Variants in ROBO1 observed in about 807,000 individuals in gnomAD.
ROBO1 encodes the protein roundabout guidance receptor 1, also known as roundabout homolog 1.
In ROBO1, 149 loss-of-function variants were observed where a neutral mutation model predicts 195.9. The observed-to-expected ratio is 0.76, with a 90% CI of 0.67 to 0.87. The LOEUF (loss-of-function observed/expected upper bound fraction) is 0.87. Among genes scored for constraint, ROBO1 ranks in the 40% least tolerant of loss-of-function variants. The pLI is 0.00. For synonymous variants in ROBO1, 816 were observed against 733.2 expected, an observed-to-expected ratio of 1.11 and a Z score of -1.82; for missense variants, 1,933 against 2,068.3, an observed-to-expected ratio of 0.93 and a Z score of 1.27.
intron 3 of ROBO1, among the ~76,000 whole-genome samples, chr3:79,096,278 G>A (rs1336891518): frequency 1.3e-5 from 2 of 151,790 alleles, no homozygotes; most frequent in African/African-American, 4.8e-5. Flanking sequence ...GATTTATGTA[G>A]GCATATGGTC....
intron 4 of ROBO1, among the ~76,000 whole-genome samples, chr3:78,801,123 T>G (rs1291864953): frequency 6.6e-6 from 1 of 152,158 alleles, no homozygotes; most frequent in African/African-American, 2.4e-5. Flanking sequence ...ACCTCGGGCT[T>G]AGGGCTCATA....
chr3:78,645,037 T>C (rs1465015483), intron 21 of ROBO1, among the ~76,000 whole-genome samples: 1 of 152,132 alleles, frequency 6.6e-6, no homozygotes, highest in African/African-American at 2.4e-5. Flanking sequence ...AAACATGCCC[T>C]GGTTTAATTC....
chr3:79,433,393 T>A (rs998764006), intron 2 of ROBO1, among the ~76,000 whole-genome samples: 2 of 152,144 alleles, frequency 1.3e-5, no homozygotes, highest in Admixed American at 1.3e-4. Context: ...ACACATTTTT[T>A]ATTTTTTATT....
intron 4 of ROBO1, among the ~76,000 whole-genome samples, chr3:78,766,432 T>A (rs1468953346): frequency 6.6e-6 from 1 of 152,204 alleles, no homozygotes; most frequent in Non-Finnish European, 1.5e-5. Flanking sequence ...GCTGTTGGTG[T>A]ATAGAAGACC....
At chr3:79,509,654 C>T (rs981925406) in intron 2 of ROBO1, among the ~76,000 whole-genome samples, 2 of 152,048 alleles carry the variant, frequency 1.3e-5, no homozygotes, top group African/African-American at 4.8e-5. Flanking sequence ...TTCTGTTTAA[C>T]ATTACCCCGC....
At chr3:79,463,649 ACAAAT>A (rs546994665) in intron 2 of ROBO1, among the ~76,000 whole-genome samples, 109 of 152,342 alleles carry the variant, frequency 7.2e-4, no homozygotes, top group African/African-American at 2.5e-3. Flanking sequence ...AAAAGATGGT[ACAAAT>A]CAAACAGTGA....
intron 2 of ROBO1, among the ~76,000 whole-genome samples, chr3:79,137,568 A>C (rs2080435624): frequency 6.6e-6 from 1 of 152,166 alleles, no homozygotes; most frequent in Non-Finnish European, 1.5e-5. Flanking sequence ...AGAACACATC[A>C]TTTTATATGC....
At chr3:79,376,281 C>A (rs1488011284) in intron 2 of ROBO1, among the ~76,000 whole-genome samples, 1 of 152,164 alleles carries the variant, frequency 6.6e-6, no homozygotes, top group Non-Finnish European at 1.5e-5. Flanking sequence ...TGGAGGCTAG[C>A]ATTAGGACTA....
intron 2 of ROBO1, among the ~76,000 whole-genome samples, chr3:79,186,152 T>C (rs936657618): frequency 6.6e-6 from 1 of 152,156 alleles, no homozygotes; most frequent in African/African-American, 2.4e-5. Context: ...TCTATCCACA[T>C]GTAAATCTTG....
At chr3:79,202,684 G>A (rs1170995153) in intron 2 of ROBO1, among the ~76,000 whole-genome samples, 5 of 151,202 alleles carry the variant, frequency 3.3e-5, no homozygotes, top group African/African-American at 7.3e-5. Context: ...TGGCCCATAT[G>A]CTTTCAAGCT....
chr3:78,841,417 C>T (rs187196036), intron 4 of ROBO1, among the ~76,000 whole-genome samples: 309 of 152,266 alleles, frequency 2.0e-3, no homozygotes, highest in African/African-American at 7.1e-3. Flanking sequence ...AAGAACTCCT[C>T]CCTTCCTCAA....
intron 1 of ROBO1, among the ~76,000 whole-genome samples, chr3:79,694,903 G>A (rs1947398381): frequency 1.3e-5 from 2 of 151,592 alleles, no homozygotes; most frequent in South Asian, 4.1e-4. Flanking sequence ...TTAAAGCATT[G>A]TATAAACTTT....
chr3:79,467,639 C>A (rs1342280687), intron 2 of ROBO1, among the ~76,000 whole-genome samples: 1 of 152,108 alleles, frequency 6.6e-6, no homozygotes, highest in Non-Finnish European at 1.5e-5. Flanking sequence ...ACCCATCCCA[C>A]TGAGAGCCAA....
intron 3 of ROBO1, among the ~76,000 whole-genome samples, chr3:79,073,694 T>C (rs1332380807): frequency 6.6e-6 from 1 of 151,832 alleles, no homozygotes; most frequent in African/African-American, 2.4e-5. Flanking sequence ...ACAAATAATC[T>C]GTTTCTTAGC....
intron 4 of ROBO1, among the ~76,000 whole-genome samples, chr3:78,759,675 C>T (rs6548595): frequency 0.25 from 37,732 of 152,038 alleles, 4,797 homozygotes; most frequent in Non-Finnish European, 0.26. Context: ...ATGCAGTAGG[C>T]TTCTGTCTGA....
chr3:78,728,207 G>A (rs2082208176), intron 5 of ROBO1, among the ~76,000 whole-genome samples: 1 of 152,076 alleles, frequency 6.6e-6, no homozygotes, highest in Admixed American at 6.5e-5. Flanking sequence ...AGGGGAAGGA[G>A]GAGGAGAAGG....
At chr3:79,474,213 A>C (rs998132035) in intron 2 of ROBO1, among the ~76,000 whole-genome samples, 1 of 152,118 alleles carries the variant, frequency 6.6e-6, no homozygotes, top group Non-Finnish European at 1.5e-5. Context: ...GTGTGTACAA[A>C]TTCCAAAGTG....
At chr3:79,299,492 T>A (rs1282714008) in intron 2 of ROBO1, among the ~76,000 whole-genome samples, 1 of 152,194 alleles carries the variant, frequency 6.6e-6, no homozygotes, top group Non-Finnish European at 1.5e-5. Flanking sequence ...AAGCTATGCA[T>A]GCTGTAATAT....
chr3:79,033,422 T>C (rs1374148832), intron 3 of ROBO1, among the ~76,000 whole-genome samples: 1 of 152,148 alleles, frequency 6.6e-6, no homozygotes, highest in Non-Finnish European at 1.5e-5. Context: ...AAGCATTCTT[T>C]ATATATGATT....
Sources: gnomAD v4.1 joint callset for allele counts (sites outside exome capture counted in the v4.1 genomes callset) on GRCh38, gnomAD v4.1.1 for gene constraint, MANE v1.5 for transcripts, NCBI Gene and HGNC (gene_info 2026-07-23, HGNC 2026-07-21) for gene names.